The following ATP5ME variants were observed in gnomAD, a reference collection of about 807,000 sequenced individuals.
The protein encoded by ATP5ME is ATP synthase F(0) complex subunit e, mitochondrial.
In ATP5ME, 10 loss-of-function variants were observed where a neutral mutation model predicts 11.6. The observed-to-expected ratio is 0.86, with a 90% CI of 0.53 to 1.46. The LOEUF is 1.46. Ranked by LOEUF, ATP5ME falls within the 40% of genes most tolerant of loss-of-function variation. ATP5ME has a pLI of 0.00. For synonymous variants in ATP5ME, 45 were observed against 33.5 expected (o/e 1.34, Z -1.19); for missense variants, 115 against 85.4 (o/e 1.35, Z -1.37).
intron 2 of ATP5ME, chr4:673,615 C>T: frequency 1.2e-6 from 1 of 825,048 alleles, no homozygotes; most frequent in South Asian, 1.7e-5. Context: ...CACGCACTGG[C>T]TCACTCGTCC....
At chr4:673,637 G>T (rs1424494216) in intron 2 of ATP5ME, 1 of 777,024 alleles carries the variant, frequency 1.3e-6, no homozygotes, top group Non-Finnish European at 2.0e-6. Context: ...CTGCGAACAG[G>T]GACTGCCTCC....
chr4:673,563 A>C, intron 2 of ATP5ME, 162 bp from the exon 3 acceptor site: 1 of 1,282,256 alleles, frequency 7.8e-7, no homozygotes. Flanking sequence ...CACCCTGACG[A>C]GTCCAACCCA....
At chr4:673,821 C>G in intron 2 of ATP5ME, 91 bp downstream of exon 2, 1 of 1,486,184 alleles carries the variant, frequency 6.7e-7, no homozygotes, top group Non-Finnish European at 9.1e-7. Flanking sequence ...CGTCCCAAGC[C>G]CCCTTCCAGA....
At chr4:672,796 G>T (rs1383108815) in intron 3 of ATP5ME, among the ~76,000 whole-genome samples, 1 of 152,134 alleles carries the variant, frequency 6.6e-6, no homozygotes, top group African/African-American at 2.4e-5. Flanking sequence ...TGCTCAGGCT[G>T]GAGTGCAGTG....
intron 1 of ATP5ME, 68 bp downstream of exon 1, chr4:674,144 G>T: frequency 6.5e-7 from 1 of 1,538,466 alleles, no homozygotes; most frequent in Non-Finnish European, 8.8e-7. Context: ...AGCCCGCGGG[G>T]TCGGAGCTGC....
At position 673,292 on chromosome 4, in the gene ATP5ME, G is replaced by A. The variant is rs1434422889; in HGVS notation, c.190+11C>T. 10 of 1,614,068 alleles carry A rather than the reference G, an allele frequency of 6.2e-6. No individual in the cohort carries two copies. The East Asian group carries it at 1.8e-4, about 29-fold the overall frequency. On this transcript the variant is annotated intron_variant, in intron 3 of 3. Transcript: ENST00000304312. ...GGAGGGACAATCTATAAGAGCCAGT[G>A]TCACTCGTACCTTCTGCCAATTCTC...
At chr4:672,710 G>A (rs1441949133) in intron 3 of ATP5ME, among the ~76,000 whole-genome samples, 191 bp from the exon 4 acceptor site, 1 of 150,818 alleles carries the variant, frequency 6.6e-6, no homozygotes, top group African/African-American at 2.4e-5. Context: ...TCCCACCTCA[G>A]CCTTCTGAGT....
chr4:672,564 C>T (rs1375282333), intron 3 of ATP5ME, 45 bp from the exon 4 acceptor site: 3 of 1,598,846 alleles, frequency 1.9e-6, no homozygotes, highest in African/African-American at 2.7e-5. Flanking sequence ...ACCACTCAGG[C>T]AACCTAAAAA....
intron 2 of ATP5ME, 106 bp from the exon 3 acceptor site, chr4:673,507 C>A: frequency 6.4e-7 from 1 of 1,564,668 alleles, no homozygotes; most frequent in Non-Finnish European, 8.7e-7. Context: ...CCAGACGCAC[C>A]TGCTGTTCCC....
chr4:672,578 C>T, intron 3 of ATP5ME, 59 bp from the exon 4 acceptor site: 2 of 1,556,918 alleles, frequency 1.3e-6, no homozygotes, highest in Middle Eastern at 1.8e-4. Flanking sequence ...CTAAAAAGAC[C>T]ACTTCAGCTT....
At chr4:673,732 A>G in intron 2 of ATP5ME, 180 bp downstream of exon 2, 1 of 1,002,180 alleles carries the variant, frequency 1.0e-6, no homozygotes, top group Non-Finnish European at 1.5e-6. Context: ...CCCGGGCCTC[A>G]GAAGCCTGAG....
chr4:672,533 G>C lies in ATP5ME; in HGVS notation c.191-14C>G. 1 of 1,613,574 alleles carries C rather than the reference G, an allele frequency of 6.2e-7. No homozygotes were observed. Among genetic ancestry groups the C allele is most frequent in the Non-Finnish European group, 8.5e-7 (1 of 1,179,876 alleles). ...ATATGCTGTCATCTTGGGCCGGAAG[G>C]TTAGAAGAAAAGCACATGTTACCAC... On this transcript the variant is annotated splice_polypyrimidine_tract_variant and intron_variant, in intron 3 of 3. Coordinates refer to ENST00000304312, the MANE Select transcript of ATP5ME (RefSeq NM_007100.4).
intron 3 of ATP5ME, among the ~76,000 whole-genome samples, chr4:672,965 CTCGAACT>C (rs948793902): frequency 6.6e-6 from 1 of 152,220 alleles, no homozygotes. Flanking sequence ...CCAGGCTGGT[CTCGAACT>C]CCAGAGCTCA....
Position 673,621 on chromosome 4 carries a change from C to A in ATP5ME, c.92-220G>T, listed in dbSNP as rs533606096. On this transcript the variant is annotated intron_variant, in intron 2 of 3. Transcript: ENST00000304312. Reference sequence around the variant, plus strand: ...CCACCCGCTCACGCACTGGCTCACTCGTCCTCTGCGAACAGGGACTGCCTC... The same window carrying A: ...CCACCCGCTCACGCACTGGCTCACTAGTCCTCTGCGAACAGGGACTGCCTC... 336 of 815,394 alleles carry A rather than the reference C, an allele frequency of 4.1e-4. 1 individual carries two copies. In the African/African-American group the frequency reaches 5.4e-3, roughly 13 times the overall value. 50.5% of individuals were successfully genotyped at this position (815,394 alleles called of 1,614,324 possible).
At position 673,906 on chromosome 4, in the gene ATP5ME, A is replaced by G. The variant is rs1209185786; in HGVS notation, c.91+6T>C. On this transcript the variant is annotated splice_donor_region_variant and intron_variant, in intron 2 of 3. Coordinates refer to ENST00000304312, the MANE Select transcript of ATP5ME (RefSeq NM_007100.4). ...CCCCGCCCCGGCCCCGCCCGCGGTC[A>G]CTCACTGTAGCGCGTGGCTCCGTAG... 6.5e-7 allele frequency: 1 copy of G among 1,545,936 alleles called. No homozygotes were observed. Among genetic ancestry groups the G allele is most frequent in the Admixed American group, 2.0e-5 (1 of 50,986 alleles).
At chr4:674,067 G>A in intron 1 of ATP5ME, 101 bp from the exon 2 acceptor site, 2 of 1,469,202 alleles carry the variant, frequency 1.4e-6, no homozygotes, top group Admixed American at 2.0e-5. Flanking sequence ...TCGCAGGAGG[G>A]GTGGGGGTCC....
At chr4:673,837 A>T in intron 2 of ATP5ME, 75 bp downstream of exon 2, 1 of 1,520,508 alleles carries the variant, frequency 6.6e-7, no homozygotes, top group Non-Finnish European at 8.9e-7. Context: ...CCAGAGCTGG[A>T]GTTCTCCAAA....
chr4:673,504 C>T (rs1483614341), intron 2 of ATP5ME, 103 bp from the exon 3 acceptor site: 3 of 1,574,862 alleles, frequency 1.9e-6, no homozygotes, highest in East Asian at 2.3e-5. Context: ...AAACCAGACG[C>T]ACCTGCTGTT....
intron 2 of ATP5ME, 73 bp from the exon 3 acceptor site, chr4:673,474 G>C (rs1430558197): frequency 6.2e-7 from 1 of 1,608,200 alleles, no homozygotes; most frequent in Non-Finnish European, 8.5e-7. Flanking sequence ...CACAGGTCAA[G>C]GTATCTTCAG....
Sources: allele counts gnomAD v4.1 joint callset (sites outside exome capture counted in the v4.1 genomes callset), GRCh38; gene constraint gnomAD v4.1.1; transcripts MANE v1.5; gene names NCBI Gene and HGNC (gene_info 2026-07-23, HGNC 2026-07-21).